Variants in AKR1D1 observed in about 807,000 individuals in gnomAD.
AKR1D1 encodes aldo-keto reductase family 1 member D1.
In AKR1D1, 32 loss-of-function variants were observed where a neutral mutation model predicts 42.6. The ratio of observed to expected loss-of-function variants is 0.75; its 90% CI spans 0.57 to 1.01. The LOEUF (loss-of-function observed/expected upper bound fraction) is 1.01. AKR1D1 is among the 50% of genes least tolerant of loss of function. The pLI is 0.00. For missense variants in AKR1D1, 364 were observed against 402.2 expected (o/e 0.91, Z 0.81); for synonymous variants, 123 against 135.5 (o/e 0.91, Z 0.64).
chr7:138,087,898 T>C (rs193264672), intron 1 of AKR1D1, among the ~76,000 whole-genome samples: 8 of 151,838 alleles, frequency 5.3e-5, no homozygotes, highest in Admixed American at 3.9e-4. Flanking sequence ...CTTTTCTTTT[T>C]TTTTTTTTTT....
chr7:138,088,507 G>A (rs1793983140), intron 1 of AKR1D1, 94 bp from the exon 2 acceptor site: 1 of 1,388,570 alleles, frequency 7.2e-7, no homozygotes, highest in East Asian at 2.3e-5. Flanking sequence ...CATTTTAGCT[G>A]TAAAGGAATG....
At position 138,105,430 on chromosome 7, in the gene AKR1D1, GT is replaced by G. The variant is rs1794403246; in HGVS notation, c.579+2del. 1.9e-6 allele frequency: 3 copies of G among 1,613,746 alleles called. No homozygotes were observed. In the East Asian group the frequency reaches 6.7e-5, roughly 36 times the overall value. On this transcript the variant is annotated splice_donor_variant, in intron 5 of 8. Coordinates refer to ENST00000242375, the MANE Select transcript of AKR1D1 (RefSeq NM_005989.4). LOFTEE classifies it high-confidence loss of function. The stretch of plus-strand genomic sequence containing the variant: ...CAAACACAAGCCAGTCAGCAACCAG[GT>G]ACAGCCTAATAGCTTCCACTAGGGT...
At chr7:138,099,827 C>T (rs1049857297) in intron 4 of AKR1D1, among the ~76,000 whole-genome samples, 1 of 146,162 alleles carries the variant, frequency 6.8e-6, no homozygotes, top group African/African-American at 2.6e-5. Context: ...CATAGTGAGA[C>T]ACCCATCTCT....
At chr7:138,102,003 G>A (rs1452656442) in intron 4 of AKR1D1, among the ~76,000 whole-genome samples, 2 of 152,128 alleles carry the variant, frequency 1.3e-5, no homozygotes, top group African/African-American at 4.8e-5. Flanking sequence ...ATGAGGCCAG[G>A]AGTTCGAGAC....
intron 1 of AKR1D1, among the ~76,000 whole-genome samples, chr7:138,087,864 T>C (rs2117425669): frequency 6.6e-6 from 1 of 152,104 alleles, no homozygotes; most frequent in East Asian, 1.9e-4. Flanking sequence ...ATCCATACTA[T>C]GTGTTGTCAT....
At chr7:138,102,160 G>A (rs543657162) in intron 4 of AKR1D1, among the ~76,000 whole-genome samples, 288 of 151,892 alleles carry the variant, frequency 1.9e-3, no homozygotes, top group Middle Eastern at 6.8e-3. Context: ...GCAGTGAGCC[G>A]AGATCCCACC....
At chr7:138,099,460 C>T (rs903850822) in intron 4 of AKR1D1, among the ~76,000 whole-genome samples, 4 of 151,692 alleles carry the variant, frequency 2.6e-5, no homozygotes, top group African/African-American at 9.7e-5. Flanking sequence ...AAAACGTGAA[C>T]AAACAACATT....
chr7:138,116,726 C>A lies in AKR1D1; in HGVS notation c.*64C>A, dbSNP rs1794641962. 3 of 1,404,646 alleles carry A rather than the reference C, an allele frequency of 2.1e-6. No individual in the cohort carries two copies. The South Asian group carries it at 3.5e-5, about 16-fold the overall frequency. The allele number at this position is 1,404,646 out of a possible 1,614,324, so 87.0% of individuals were successfully genotyped here. ...GTGCCAAGACGGTGCAATGGGTAGT[C>A]CCCTAGATGTGAAAATGAAGAGAGA... On this transcript the variant is annotated 3_prime_UTR_variant, in exon 9 of 9. Transcript: ENST00000242375.
At position 138,081,505 on chromosome 7, in the gene AKR1D1, C is replaced by T. The variant is rs575962299; in HGVS notation, c.93+4894C>T. Among the ~76,000 whole-genome samples the T allele has an allele frequency of 1.3e-4, 16 of 125,110 alleles. No individual in the cohort carries two copies. The East Asian group carries it at 1.4e-3, about 11-fold the overall frequency. The allele number at this position is 125,110 out of a possible 152,430, so 82.1% of individuals were successfully genotyped here. A position where few individuals can be genotyped will look rare whatever the true frequency, so the allele number is the denominator to read the frequency against. On this transcript the variant is annotated intron_variant, in intron 1 of 8. Coordinates refer to ENST00000242375, the MANE Select transcript of AKR1D1 (RefSeq NM_005989.4). ...ATCCAAAATATAAAAGGAACTCCTA[C>T]CTTTTTTTTTTTTTTTTTTTTTTTT... is the stretch of plus-strand genomic sequence containing the variant.
chr7:138,103,512 G>A (rs986026453), intron 4 of AKR1D1, among the ~76,000 whole-genome samples: 4 of 152,016 alleles, frequency 2.6e-5, no homozygotes, highest in African/African-American at 9.7e-5. Flanking sequence ...GGTAGAAACA[G>A]TTCAAATATA....
intron 5 of AKR1D1, among the ~76,000 whole-genome samples, chr7:138,105,665 G>A (rs781452244): frequency 6.6e-6 from 1 of 152,142 alleles, no homozygotes; most frequent in Non-Finnish European, 1.5e-5. Flanking sequence ...CGAGGCAGGC[G>A]ATCACGAGGT....
chr7:138,091,327 C>T (rs753455654), intron 2 of AKR1D1: 3 of 231,762 alleles, frequency 1.3e-5, no homozygotes, highest in African/African-American at 6.9e-5. Context: ...CCTCTTGAAG[C>T]TGCACTCTCA....
intron 1 of AKR1D1, among the ~76,000 whole-genome samples, chr7:138,079,137 C>T (rs1803001716): frequency 6.6e-6 from 1 of 152,106 alleles, no homozygotes; most frequent in Non-Finnish European, 1.5e-5. Flanking sequence ...CGGCCCTAAA[C>T]ATTCCTTACT....
chr7:138,084,012 T>TG (rs1803110865), intron 1 of AKR1D1, among the ~76,000 whole-genome samples: 2 of 152,302 alleles, frequency 1.3e-5, no homozygotes, highest in East Asian at 3.9e-4. Context: ...CCAGGTTCCC[T>TG]GGAGGCATTG....
intron 2 of AKR1D1, among the ~76,000 whole-genome samples, chr7:138,090,359 G>A (rs900718157): frequency 4.6e-5 from 7 of 152,116 alleles, no homozygotes; most frequent in African/African-American, 9.6e-5. Flanking sequence ...GATTCAGGCC[G>A]GGTGCAGTGG....
At chr7:138,110,086 C>T (rs1029374428) in intron 7 of AKR1D1, among the ~76,000 whole-genome samples, 1 of 152,086 alleles carries the variant, frequency 6.6e-6, no homozygotes, top group African/African-American at 2.4e-5. Flanking sequence ...AGCCAATTCT[C>T]ACTCTTTAGG....
intron 1 of AKR1D1, among the ~76,000 whole-genome samples, chr7:138,082,363 T>G (rs1016100517): frequency 1.3e-5 from 2 of 151,468 alleles, no homozygotes; most frequent in African/African-American, 2.4e-5. Context: ...AAATTTAATT[T>G]TCTTTTTTTT....
intron 1 of AKR1D1, among the ~76,000 whole-genome samples, chr7:138,082,404 G>C (rs1452483716): frequency 6.6e-6 from 1 of 151,208 alleles, no homozygotes; most frequent in African/African-American, 2.4e-5. Context: ...GTCTTCTTCT[G>C]TCACCCAGGC....
intron 7 of AKR1D1, among the ~76,000 whole-genome samples, chr7:138,110,900 A>T (rs1403776686): frequency 6.6e-6 from 1 of 152,184 alleles, no homozygotes; most frequent in Non-Finnish European, 1.5e-5. Context: ...CTTTGTTGCC[A>T]TCATCCACTG....
Sources: gnomAD v4.1 joint callset for allele counts (sites outside exome capture counted in the v4.1 genomes callset) on GRCh38, gnomAD v4.1.1 for gene constraint, MANE v1.5 for transcripts, NCBI Gene and HGNC (gene_info 2026-07-23, HGNC 2026-07-21) for gene names.